Variants in PCDHA9 observed in about 807,000 individuals in gnomAD.
The protein encoded by PCDHA9 is protocadherin alpha-9.
In PCDHA9, 62 loss-of-function variants were observed where a neutral mutation model predicts 62.0. That is an observed-to-expected ratio of 1.00 (90% CI 0.81 to 1.23). The LOEUF (loss-of-function observed/expected upper bound fraction) is 1.23, where lower values mean the gene tolerates loss of function less well. Ranked by LOEUF, PCDHA9 falls within the 50% of genes most tolerant of loss-of-function variation. The pLI, the probability that PCDHA9 is intolerant of heterozygous loss-of-function variation, is 0.00. For missense variants in PCDHA9, 1,205 were observed against 1,249.8 expected (o/e 0.96, Z 0.54); for synonymous variants, 557 against 567.6 (o/e 0.98, Z 0.27).
At chr5:140,968,256 A>G (rs782309414) in intron 1 of PCDHA9, 2 of 1,614,006 alleles carry the variant, frequency 1.2e-6, no homozygotes, top group East Asian at 4.5e-5. Flanking sequence ...ACAGACCCAG[A>G]TGAAAAGGAG....
chr5:140,889,760 A>T (rs1228592233), intron 1 of PCDHA9, among the ~76,000 whole-genome samples: 1 of 152,158 alleles, frequency 6.6e-6, no homozygotes, highest in Admixed American at 6.5e-5. Flanking sequence ...CTTTCCTTGA[A>T]CTTTGACTGG....
chr5:140,945,813 C>T (rs10477097), intron 1 of PCDHA9, among the ~76,000 whole-genome samples: 2 of 152,084 alleles, frequency 1.3e-5, no homozygotes, highest in East Asian at 3.8e-4. Flanking sequence ...TTATCTCACA[C>T]TGTATACAAA....
chr5:140,882,450 C>T (rs781827745), intron 1 of PCDHA9: 2 of 1,613,990 alleles, frequency 1.2e-6, no homozygotes, highest in Non-Finnish European at 1.7e-6. Flanking sequence ...GAGCTGGTGC[C>T]GCGCCTGTTC....
chr5:140,931,993 T>C (rs1350907359), intron 1 of PCDHA9, among the ~76,000 whole-genome samples: 8 of 152,090 alleles, frequency 5.3e-5, no homozygotes, highest in Admixed American at 3.3e-4. Context: ...GCTCAAATTC[T>C]AAGTTCTTTC....
intron 1 of PCDHA9, chr5:140,883,531 T>G: frequency 6.2e-7 from 1 of 1,614,210 alleles, no homozygotes; most frequent in Non-Finnish European, 8.5e-7. Flanking sequence ...TATCAGCCTA[T>G]GAACTGGTGG....
chr5:140,955,234 G>C (rs1373509371), intron 1 of PCDHA9, among the ~76,000 whole-genome samples: 12 of 152,184 alleles, frequency 7.9e-5, no homozygotes, highest in Middle Eastern at 3.4e-3. Flanking sequence ...TTGTTCTTTT[G>C]CTTAGGATCG....
chr5:140,906,120 A>C (rs1554192404), intron 1 of PCDHA9, among the ~76,000 whole-genome samples: 1 of 152,134 alleles, frequency 6.6e-6, no homozygotes, highest in East Asian at 1.9e-4. Flanking sequence ...CCACTGACAC[A>C]AATGTTAGTC....
intron 1 of PCDHA9, among the ~76,000 whole-genome samples, chr5:140,950,430 A>T (rs1312660380): frequency 6.6e-6 from 1 of 151,876 alleles, no homozygotes; most frequent in Admixed American, 6.6e-5. Context: ...TCTTCCACTT[A>T]AAAAAAATGT....
rs186966305 is a variant in PCDHA9 at position 140,850,713 on chromosome 5, G to C, written c.2218G>C (p.Val740Leu). Residue 740 changes from valine (V) to leucine (L), a missense_variant, in exon 1 of 4, where the codon GTG becomes CTG. Physicochemically the swap from Val to Leu is conservative, Grantham distance 32. Coordinates refer to ENST00000532602, the MANE Select transcript of PCDHA9 (RefSeq NM_031857.2). ...GECAPGKPTL[V>L]CSSAVGSWSY... ...GTGCGCGCCTGGCAAGCCGACGCTGGTGTGTTCTAGCGCGGTGGGGAGTTG... is the reference window on the plus strand; with the variant it reads ...GTGCGCGCCTGGCAAGCCGACGCTGCTGTGTTCTAGCGCGGTGGGGAGTTG... 6.3e-7 allele frequency: 1 copy of C among 1,598,196 alleles called. No individual in the cohort carries two copies. Among genetic ancestry groups the C allele is most frequent in the Non-Finnish European group, 8.6e-7 (1 of 1,167,740 alleles).
At chr5:140,857,085 C>T in intron 1 of PCDHA9, 2 of 1,596,752 alleles carry the variant, frequency 1.3e-6, no homozygotes, top group Non-Finnish European at 8.6e-7. Context: ...AATGATAATT[C>T]ACCTGAGGTG....
chr5:140,929,024 C>T, intron 1 of PCDHA9: 1 of 1,614,172 alleles, frequency 6.2e-7, no homozygotes, highest in Non-Finnish European at 8.5e-7. Context: ...CACCAGAGCC[C>T]AGGCTGTTGC....
At chr5:140,993,538 A>T (rs1175611433) in intron 3 of PCDHA9, among the ~76,000 whole-genome samples, 1 of 151,668 alleles carries the variant, frequency 6.6e-6, no homozygotes, top group Non-Finnish European at 1.5e-5. Context: ...AGAGAGAGAG[A>T]TAGAGAAGTG....
At chr5:140,857,006 G>A (rs1365266931) in intron 1 of PCDHA9, 2 of 1,595,206 alleles carry the variant, frequency 1.3e-6, no homozygotes, top group East Asian at 2.2e-5. Flanking sequence ...AATTCATGTA[G>A]ATGTTACAGA....
At chr5:140,888,108 T>C (rs1554183322) in intron 1 of PCDHA9, among the ~76,000 whole-genome samples, 1 of 152,248 alleles carries the variant, frequency 6.6e-6, no homozygotes, top group Non-Finnish European at 1.5e-5. Flanking sequence ...CTTCTTTTAA[T>C]CTATCTTCTT....
At chr5:140,978,570 G>A (rs151127662) in intron 1 of PCDHA9, among the ~76,000 whole-genome samples, 216 of 152,314 alleles carry the variant, frequency 1.4e-3, no homozygotes, top group African/African-American at 4.9e-3. Flanking sequence ...CTGTAATACT[G>A]AATTGGGAAT....
At position 140,942,403 on chromosome 5, in the gene PCDHA9, T is replaced by A. The variant is rs184466711; in HGVS notation, c.2395-36546T>A. Among the ~76,000 whole-genome samples the A allele has an allele frequency of 2.8e-3, 421 of 151,284 alleles. 2 individuals are homozygous for A. The highest frequency in any genetic ancestry group is 0.014 in the Middle Eastern group (4 of 294). The stretch of plus-strand genomic sequence containing the variant: ...TTCCAGCCTGGGCGACAGATGAGAC[T>A]CTGTTTAAAAAAAAAAAAGATATCT... On this transcript the variant is annotated intron_variant, in intron 1 of 3. Transcript: ENST00000532602.
At chr5:140,957,043 A>C (rs2095328677) in intron 1 of PCDHA9, among the ~76,000 whole-genome samples, 3 of 152,196 alleles carry the variant, frequency 2.0e-5, no homozygotes, top group Admixed American at 2.0e-4. Flanking sequence ...GGAGTCATAT[A>C]AAATAAATTA....
At chr5:140,875,518 C>T in intron 1 of PCDHA9, 1 of 1,614,008 alleles carries the variant, frequency 6.2e-7, no homozygotes, top group Non-Finnish European at 8.5e-7. Flanking sequence ...GCGTCTGCTG[C>T]TCTCGCTTCT....
chr5:140,863,384 C>A (rs563178599), intron 1 of PCDHA9: 2 of 1,044,912 alleles, frequency 1.9e-6, no homozygotes, highest in South Asian at 1.2e-5. Flanking sequence ...ACCGAGAGCT[C>A]GTGCATGCCG....
Sources: gnomAD v4.1 joint callset for allele counts (sites outside exome capture counted in the v4.1 genomes callset) on GRCh38, gnomAD v4.1.1 for gene constraint, MANE v1.5 for transcripts, NCBI Gene and HGNC (gene_info 2026-07-23, HGNC 2026-07-21) for gene names.